The following RPH3A variants were observed in gnomAD, a reference collection of about 807,000 sequenced individuals.
RPH3A encodes the protein rabphilin 3A, also known as rabphilin-3A.
RPH3A carries 48 observed loss-of-function variants against 102.2 expected under a neutral mutation model. The ratio of observed to expected loss-of-function variants is 0.47; its 90% CI spans 0.37 to 0.60. The LOEUF (loss-of-function observed/expected upper bound fraction) is 0.60. RPH3A is among the 20% of genes least tolerant of loss of function. The probability of loss-of-function intolerance (pLI) is 0.00; values close to 1 mark genes in which losing one functional copy is unlikely to be tolerated. For synonymous variants in RPH3A, 310 were observed against 324.3 expected (o/e 0.96, Z 0.47); for missense variants, 781 against 910.1 (o/e 0.86, Z 1.83).
intron 1 of RPH3A, among the ~76,000 whole-genome samples, chr12:112,704,984 C>T (rs1307320035): frequency 2.0e-5 from 3 of 152,122 alleles, no homozygotes; most frequent in Non-Finnish European, 2.9e-5. Flanking sequence ...CCAAAGTAAT[C>T]GCGCTTTAAA....
intron 1 of RPH3A, among the ~76,000 whole-genome samples, chr12:112,718,692 A>G (rs1380017064): frequency 1.3e-5 from 2 of 152,226 alleles, no homozygotes; most frequent in African/African-American, 2.4e-5. Context: ...CTAACATTGT[A>G]ATTCAATGCA....
At chr12:112,771,888 A>G (rs2040929769) in intron 1 of RPH3A, among the ~76,000 whole-genome samples, 1 of 152,202 alleles carries the variant, frequency 6.6e-6, no homozygotes, top group Non-Finnish European at 1.5e-5. Context: ...AATACAAAGA[A>G]CATGACTTAC....
At chr12:112,611,071 A>G (rs1279205445) in intron 1 of RPH3A, among the ~76,000 whole-genome samples, 2 of 152,224 alleles carry the variant, frequency 1.3e-5, no homozygotes, top group Non-Finnish European at 2.9e-5. Flanking sequence ...TGCTTTAAAC[A>G]TAGTAGGTGC....
chr12:112,702,083 G>A (rs1311805783), intron 1 of RPH3A, among the ~76,000 whole-genome samples: 3 of 152,228 alleles, frequency 2.0e-5, no homozygotes, highest in Admixed American at 2.0e-4. Context: ...CTGCCTGTAT[G>A]TCTGGAAAAG....
chr12:112,838,065 T>C (rs2042083189), intron 4 of RPH3A, among the ~76,000 whole-genome samples: 2 of 152,122 alleles, frequency 1.3e-5, no homozygotes, highest in Non-Finnish European at 2.9e-5. Context: ...AAATACACTC[T>C]AGTATGTGCA....
intron 2 of RPH3A, among the ~76,000 whole-genome samples, chr12:112,808,401 A>C (rs2041509404): frequency 6.6e-6 from 1 of 152,238 alleles, no homozygotes; most frequent in Non-Finnish European, 1.5e-5. Flanking sequence ...GAAGACCTGC[A>C]TTGCAGGCAA....
rs1236913152 is a variant in RPH3A at position 112,858,311 on chromosome 12, G to GA, written c.231-7094dup. Among the ~76,000 whole-genome samples, 121 of 98,644 alleles carry GA rather than the reference G, an allele frequency of 1.2e-3. 2 individuals carry two copies. Among genetic ancestry groups the GA allele is most frequent in the African/African-American group, 3.9e-3 (106 of 27,414 alleles). The allele number at this position is 98,644 out of a possible 152,430, so 64.7% of individuals were successfully genotyped here. A position where few individuals can be genotyped will look rare whatever the true frequency, so the allele number is the denominator to read the frequency against. ...AAAAAAAAAGAAAAGAAAAGAAAAA[G>GA]AAAAAAAAAGGCGGGCGGGGGTGAA... On this transcript the variant is annotated intron_variant, in intron 5 of 21. Coordinates refer to ENST00000389385, the MANE Select transcript of RPH3A (RefSeq NM_001143854.2).
chr12:112,841,190 A>AAAAAAAAAAAAAAAAAAAAAAAAAC, intron 4 of RPH3A, among the ~76,000 whole-genome samples: 1 of 149,972 alleles, frequency 6.7e-6, no homozygotes, highest in Admixed American at 6.7e-5. Context: ...AAAAAAAAAA[A>AAAAAAAAAAAAAAAAAAAAAAAAAC]AAAAGCCTCG....
intron 1 of RPH3A, among the ~76,000 whole-genome samples, chr12:112,621,248 C>T (rs1005015206): frequency 1.3e-5 from 2 of 151,858 alleles, no homozygotes; most frequent in Admixed American, 1.3e-4. Context: ...CAGCTCCCAG[C>T]GTGAGCGACG....
chr12:112,773,567 C>T (rs2040942848), intron 1 of RPH3A, among the ~76,000 whole-genome samples: 1 of 151,408 alleles, frequency 6.6e-6, no homozygotes, highest in Non-Finnish European at 1.5e-5. Flanking sequence ...GTTTTAATCC[C>T]CTGAAGAGAA....
In RPH3A at chr12:112,890,893, G is replaced by T. The variant is rs1335143940; in HGVS notation, c.1665G>T (p.Leu555=). The T allele has an allele frequency of 1.2e-6, 2 of 1,614,008 alleles. No individual in the cohort carries two copies. The highest frequency in any genetic ancestry group is 1.7e-6 in the Non-Finnish European group (2 of 1,179,974). ...VGDIEERGKI[L]VSLMYSTQQG... ...ACATCGAGGAGCGTGGCAAGATCCTGGTCTCCCTCATGTACAGCACACAGC... is the reference window on the plus strand; with the variant it reads ...ACATCGAGGAGCGTGGCAAGATCCTTGTCTCCCTCATGTACAGCACACAGC... Residue 555 remains leucine, a synonymous_variant, in exon 19 of 22, where the codon CTG becomes CTT. Coordinates refer to ENST00000389385, the MANE Select transcript of RPH3A (RefSeq NM_001143854.2).
intron 1 of RPH3A, among the ~76,000 whole-genome samples, chr12:112,727,504 C>CCCCCA (rs1555205006): frequency 4.9e-5 from 4 of 80,944 alleles, no homozygotes; most frequent in African/African-American, 2.0e-4. Flanking sequence ...CCCCCCCCCC[C>CCCCCA]CACACACATA....
intron 5 of RPH3A, among the ~76,000 whole-genome samples, chr12:112,852,689 A>G (rs951193875): frequency 6.6e-6 from 1 of 152,112 alleles, no homozygotes; most frequent in Non-Finnish European, 1.5e-5. Flanking sequence ...GTGGCTGCTG[A>G]GCACTTCTCC....
chr12:112,818,437 A>G (rs2041718990), intron 2 of RPH3A, among the ~76,000 whole-genome samples: 1 of 152,090 alleles, frequency 6.6e-6, no homozygotes, highest in Admixed American at 6.5e-5. Context: ...ATCATCAGGA[A>G]TCAGTCTCTA....
chr12:112,724,908 G>T (rs754884975), intron 1 of RPH3A, among the ~76,000 whole-genome samples: 8 of 151,964 alleles, frequency 5.3e-5, no homozygotes, highest in Non-Finnish European at 1.0e-4. Flanking sequence ...GGTGGAGGTT[G>T]CAGTGAGCCA....
intron 1 of RPH3A, among the ~76,000 whole-genome samples, chr12:112,714,546 A>T (rs1308511722): frequency 6.6e-6 from 1 of 152,200 alleles, no homozygotes; most frequent in Non-Finnish European, 1.5e-5. Context: ...TATTATTTGC[A>T]TATTGCTGAA....
At chr12:112,649,427 T>A (rs1439962940) in intron 1 of RPH3A, 1 of 152,152 alleles carries the variant, frequency 6.6e-6, no homozygotes. Context: ...ATCAGTTGGG[T>A]CAAAGATGGA....
intron 1 of RPH3A, among the ~76,000 whole-genome samples, chr12:112,741,544 T>C (rs1447837096): frequency 1.3e-5 from 2 of 152,116 alleles, no homozygotes; most frequent in South Asian, 2.1e-4. Flanking sequence ...TCGACCCCCA[T>C]GTCACCGGTC....
At chr12:112,688,554 T>G (rs1225746088) in intron 1 of RPH3A, among the ~76,000 whole-genome samples, 5 of 152,180 alleles carry the variant, frequency 3.3e-5, no homozygotes, top group Non-Finnish European at 7.3e-5. Flanking sequence ...ACATACCTGT[T>G]AAAGCCCATA....
Sources: gnomAD v4.1 joint callset for allele counts (sites outside exome capture counted in the v4.1 genomes callset) on GRCh38, gnomAD v4.1.1 for gene constraint, MANE v1.5 for transcripts, NCBI Gene and HGNC (gene_info 2026-07-23, HGNC 2026-07-21) for gene names.